Variants in GRIK3 observed in about 807,000 individuals in gnomAD.
GRIK3 encodes the protein glutamate receptor ionotropic, kainate 3.
GRIK3 carries 29 observed loss-of-function variants against 102.5 expected under a neutral mutation model. The ratio of observed to expected loss-of-function variants is 0.28; its 90% confidence interval spans 0.21 to 0.39. The LOEUF (loss-of-function observed/expected upper bound fraction) is 0.39. Among genes scored for constraint, GRIK3 ranks in the 10% least tolerant of loss-of-function variants. GRIK3 has a pLI of 1.00. For synonymous variants in GRIK3, 511 were observed against 504.9 expected, an observed-to-expected ratio of 1.01 and a Z score of -0.16; for missense variants, 908 against 1,252.4, an observed-to-expected ratio of 0.73 and a Z score of 4.15.
intron 9 of GRIK3, among the ~76,000 whole-genome samples, chr1:36,847,016 G>A (rs1034581698): frequency 6.6e-6 from 1 of 152,232 alleles, no homozygotes; most frequent in South Asian, 2.1e-4. Context: ...TGCCCCATAG[G>A]GGGAAGCACA....
At chr1:36,851,393 G>A (rs1640583239) in intron 8 of GRIK3, among the ~76,000 whole-genome samples, 1 of 152,218 alleles carries the variant, frequency 6.6e-6, no homozygotes, top group Non-Finnish European at 1.5e-5. Context: ...TCTCAGGGCG[G>A]GATCCCTGCC....
chr1:36,820,951 G>A (rs892296231), intron 11 of GRIK3, among the ~76,000 whole-genome samples: 1 of 152,138 alleles, frequency 6.6e-6, no homozygotes, highest in African/African-American at 2.4e-5. Flanking sequence ...CGAGAGGTTG[G>A]GGGGACCCTA....
chr1:36,963,248 C>T (rs1427374852), intron 1 of GRIK3, among the ~76,000 whole-genome samples: 1 of 152,120 alleles, frequency 6.6e-6, no homozygotes, highest in Non-Finnish European at 1.5e-5. Flanking sequence ...CCACTTGGCT[C>T]CATAAGTACG....
intron 5 of GRIK3, 115 bp from the exon 6 acceptor site, chr1:36,860,132 T>G (rs2124239995): frequency 1.4e-6 from 1 of 722,208 alleles, no homozygotes; most frequent in Non-Finnish European, 2.3e-6. Flanking sequence ...CGCAGCTCCC[T>G]GCAAAGCCCT....
Position 36,802,072 on chromosome 1 carries a change from G to A in GRIK3, c.2566-27C>T, listed in dbSNP as rs752617096. The stretch of plus-strand genomic sequence containing the variant: ...TGCAGGAGGGTGGAGGAGAGGGGTC[G>A]GAAAAGGGGCACAGAGTGATGCCCG... On this transcript the variant is annotated intron_variant, in intron 15 of 15. Coordinates refer to ENST00000373091, the MANE Select transcript of GRIK3 (RefSeq NM_000831.4). The A allele has an allele frequency of 2.1e-5, 33 of 1,552,988 alleles. No homozygotes were observed. In the East Asian group the frequency reaches 2.5e-4, roughly 12 times the overall value.
chr1:36,900,804 T>C (rs1182557908), intron 1 of GRIK3, among the ~76,000 whole-genome samples: 1 of 152,172 alleles, frequency 6.6e-6, no homozygotes, highest in Non-Finnish European at 1.5e-5. Flanking sequence ...GATAGGCCTC[T>C]AATTTGGCCA....
At chr1:36,931,757 G>A (rs1354680196) in intron 1 of GRIK3, among the ~76,000 whole-genome samples, 10 of 152,194 alleles carry the variant, frequency 6.6e-5, no homozygotes, top group Non-Finnish European at 1.2e-4. Flanking sequence ...AGAGCGGCGT[G>A]TGCAGCCCCT....
At chr1:36,887,772 ATAT>A (rs1346793941) in intron 2 of GRIK3, among the ~76,000 whole-genome samples, 2,251 of 92,534 alleles carry the variant, frequency 0.024, 63 homozygotes, top group African/African-American at 0.087. Context: ...AAAAAAAAAA[ATAT>A]ATATATATAT....
intron 13 of GRIK3, among the ~76,000 whole-genome samples, chr1:36,811,446 T>C (rs1642561049): frequency 6.6e-6 from 1 of 152,144 alleles, no homozygotes; most frequent in Non-Finnish European, 1.5e-5. Flanking sequence ...AAATAAGCGA[T>C]GTGTGGCCCC....
chr1:37,010,005 G>C (rs949098407), intron 1 of GRIK3, among the ~76,000 whole-genome samples: 24 of 152,166 alleles, frequency 1.6e-4, no homozygotes, highest in South Asian at 4.1e-4. Flanking sequence ...CCTAGAAAGA[G>C]GGGGGAGCAG....
intron 13 of GRIK3, among the ~76,000 whole-genome samples, chr1:36,815,700 C>T (rs1409951183): frequency 6.6e-6 from 1 of 152,176 alleles, no homozygotes; most frequent in Non-Finnish European, 1.5e-5. Context: ...TTCTCGGCCC[C>T]ATCTAGACCT....
At position 36,859,975 on chromosome 1, in the gene GRIK3, C is replaced by T. The variant is rs749738235; in HGVS notation, c.829G>A (p.Val277Met). Residue 277 changes from valine to methionine, a missense_variant, in exon 6 of 16, where the codon GTG (valine) becomes ATG (methionine). Val to Met is a conservative substitution (Grantham distance 21). This residue lies in a region of GRIK3 where 585 missense variants were observed against 824.9 expected (regional missense o/e 0.71). Coordinates refer to ENST00000373091, the MANE Select transcript of GRIK3 (RefSeq NM_000831.4). Reference protein sequence around the residue: ...LDLEPYRYSGVNLTGFRILNV... With the variant: ...LDLEPYRYSGMNLTGFRILNV... ...AGAATCCGGAATCCTGTCAGGTTCA[C>T]GCCTGAGTAGCGGTAGGGCTCCAGG... 62 of 1,611,628 alleles carry T rather than the reference C, an allele frequency of 3.8e-5. No individual in the cohort carries two copies. Among genetic ancestry groups the T allele is most frequent in the Middle Eastern group, 1.6e-4 (1 of 6,066 alleles).
At chr1:36,915,429 C>G (rs952599519) in intron 1 of GRIK3, among the ~76,000 whole-genome samples, 3 of 152,096 alleles carry the variant, frequency 2.0e-5, no homozygotes, top group Non-Finnish European at 4.4e-5. Flanking sequence ...TAAATATGCA[C>G]AAACATACAA....
chr1:36,828,159 G>C (rs1478825851), intron 10 of GRIK3, among the ~76,000 whole-genome samples: 2 of 152,116 alleles, frequency 1.3e-5, no homozygotes, highest in Non-Finnish European at 2.9e-5. Context: ...CAGTTAGTGA[G>C]CCCCTGCTGG....
chr1:36,879,425 C>T (rs995637507), intron 3 of GRIK3, among the ~76,000 whole-genome samples: 6 of 152,054 alleles, frequency 3.9e-5, no homozygotes. Flanking sequence ...TCCCAGAGGT[C>T]GAGGTGATAG....
chr1:36,914,079 C>G (rs1451706819), intron 1 of GRIK3, among the ~76,000 whole-genome samples: 1 of 152,236 alleles, frequency 6.6e-6, no homozygotes, highest in Non-Finnish European at 1.5e-5. Context: ...ACACTGCAGC[C>G]CCACGGTGCC....
chr1:36,803,676 G>A (rs912758594), intron 15 of GRIK3, among the ~76,000 whole-genome samples: 4 of 152,144 alleles, frequency 2.6e-5, no homozygotes, highest in African/African-American at 7.2e-5. Context: ...TGATCCACCC[G>A]ACTCGGCCTC....
At chr1:36,853,585 G>T in intron 8 of GRIK3, 30 bp downstream of exon 8, 1 of 1,429,496 alleles carries the variant, frequency 7.0e-7, no homozygotes, top group Non-Finnish European at 9.9e-7. Flanking sequence ...CTGCTCCTCC[G>T]CCTGCCCTCC....
intron 1 of GRIK3, among the ~76,000 whole-genome samples, chr1:36,972,493 T>C (rs538559283): frequency 1.3e-5 from 2 of 152,188 alleles, no homozygotes; most frequent in Admixed American, 6.5e-5. Flanking sequence ...AGCAGGGTCT[T>C]GAGAAACGGG....
Sources: allele counts gnomAD v4.1 joint callset (sites outside exome capture counted in the v4.1 genomes callset), GRCh38; gene constraint gnomAD v4.1.1; regional missense constraint gnomAD v4.1.1; transcripts MANE v1.5; gene names NCBI Gene and HGNC (gene_info 2026-07-23, HGNC 2026-07-21).